The following EMC6 variants were observed in gnomAD, a reference collection of about 807,000 sequenced individuals.
EMC6 encodes transmembrane protein 93.
EMC6 carries 1 observed loss-of-function variant against 6.5 expected under a neutral mutation model. The ratio of observed to expected loss-of-function variants is 0.15; its 90% CI spans 0.05 to 0.73. EMC6 has a LOEUF of 0.73. Among genes scored for constraint, EMC6 ranks in the 30% least tolerant of loss-of-function variants. The pLI, the probability that EMC6 is intolerant of heterozygous loss-of-function variation, is 0.78. For missense variants in EMC6, 114 were observed against 146.7 expected (o/e 0.78, Z 1.15); for synonymous variants, 96 against 74.3 (o/e 1.29, Z -1.50).
rs757951331 is a variant in EMC6 at position 3,669,159 on chromosome 17, G to C, written c.13G>C (p.Val5Leu). The C allele has an allele frequency of 2.4e-5, 37 of 1,533,896 alleles. No individual in the cohort carries two copies. The South Asian group carries it at 3.8e-4, about 16-fold the overall frequency. MAAV[V>L]AKREGPPFIS... ...CCGGGCTGGTGCGATGGCCGCGGTG[G>C]TGGCCAAGCGGGAAGGGCCGCCGTT... The change falls in exon 2 of 2, where the codon GTG becomes CTG. Residue 5 changes from valine to leucine, a missense_variant. Physicochemically the swap from Val to Leu is conservative, Grantham distance 32 (BLOSUM62 1). Transcript: ENST00000248378.
chr17:3,668,855 C>A lies in EMC6; in HGVS notation c.-94C>A. ...GCGCCGCGGGCATTTCTTCCACTGC[C>A]CGTCTGAGGGAACGCTAAGTAGTGT... On this transcript the variant is annotated 5_prime_UTR_variant, in exon 1 of 2. Transcript: ENST00000248378. This position sits in a 1 kb window ranked among gnomAD's most constrained non-coding sequence, Gnocchi z 4.1. 3.9e-6 allele frequency: 2 copies of A among 518,536 alleles called. No homozygotes were observed. Among genetic ancestry groups the A allele is most frequent in the East Asian group, 3.3e-5 (1 of 30,590 alleles). 32.1% of individuals were successfully genotyped at this position (518,536 alleles called of 1,614,324 possible).
rs1371360294 is a variant in EMC6 at position 3,668,952 on chromosome 17, G to A, written c.-50+53G>A. ...GCAGACGCGCCACCACCTCCCGGCC[G>A]GCCCGGACCCTCAATCTCCTCGGCG... On this transcript the variant is annotated intron_variant, in intron 1 of 1. Transcript: ENST00000248378. The surrounding 1 kb of genome is among the most constrained non-coding windows in gnomAD (Gnocchi z 4.1). The A allele has an allele frequency of 6.7e-6, 4 of 599,740 alleles. No individual in the cohort carries two copies. Among genetic ancestry groups the A allele is most frequent in the South Asian group, 4.8e-5 (2 of 41,666 alleles). 37.2% of individuals were successfully genotyped at this position (599,740 alleles called of 1,614,324 possible).
rs2049968434 is a variant in EMC6, at chr17:3,668,953, G to T, written c.-50+54G>T. On this transcript the variant is annotated intron_variant, in intron 1 of 1. Transcript: ENST00000248378. The surrounding 1 kb of genome is among the most constrained non-coding windows in gnomAD (Gnocchi z 4.1). The stretch of plus-strand genomic sequence containing the variant: ...CAGACGCGCCACCACCTCCCGGCCG[G>T]CCCGGACCCTCAATCTCCTCGGCGT... 6.6e-6 allele frequency: 4 copies of T among 607,428 alleles called. No homozygotes were observed. The South Asian group carries it at 9.4e-5, about 14-fold the overall frequency. The allele number at this position is 607,428 out of a possible 1,614,324, so 37.6% of individuals were successfully genotyped here.
chr17:3,669,431 C>T lies in EMC6; in HGVS notation c.285C>T (p.Thr95=), dbSNP rs1020686849. The change falls in exon 2 of 2, where the codon ACC becomes ACT. Residue 95 remains threonine (T), a synonymous_variant. Coordinates refer to ENST00000248378, the MANE Select transcript of EMC6 (RefSeq NM_031298.4). ...FTGGLIGGLF[T]YVLFWTFLYG... ...GAGGCCTCATCGGGGGCCTCTTCAC[C>T]TACGTCCTGTTCTGGACGTTCCTCT... 1.2e-6 allele frequency: 2 copies of T among 1,613,834 alleles called. No homozygotes were observed. Among genetic ancestry groups the T allele is most frequent in the Admixed American group, 1.7e-5 (1 of 60,030 alleles).
chr17:3,669,573 T>C lies in EMC6; in HGVS notation c.*94T>C. On this transcript the variant is annotated 3_prime_UTR_variant, in exon 2 of 2. Coordinates refer to ENST00000248378, the MANE Select transcript of EMC6 (RefSeq NM_031298.4). ...TAGACTTCCTTAGTTCTTAAGTGGT[T>C]GAATTCGCTGCTTGTTCTGTAACGT... 1.1e-6 allele frequency: 1 copy of C among 942,946 alleles called. No homozygotes were observed. Among genetic ancestry groups the C allele is most frequent in the Non-Finnish European group, 1.6e-6 (1 of 633,984 alleles). 58.4% of individuals were successfully genotyped at this position (942,946 alleles called of 1,614,324 possible).
In EMC6 at chr17:3,669,151, C is replaced by T. The variant is rs761639790; in HGVS notation, c.5C>T (p.Ala2Val). 3.3e-6 allele frequency: 5 copies of T among 1,522,072 alleles called. No individual in the cohort carries two copies. The South Asian group carries it at 3.6e-5, about 11-fold the overall frequency. 94.3% of individuals were successfully genotyped at this position (1,522,072 alleles called of 1,614,324 possible). The part of the protein sequence containing the change: M[A>V]AVVAKREGPP... ...GGCCGAGCCCGGGCTGGTGCGATGG[C>T]CGCGGTGGTGGCCAAGCGGGAAGGG... Residue 2 changes from alanine to valine, a missense_variant, in exon 2 of 2, where the codon GCC (alanine) becomes GTC (valine). Transcript: ENST00000248378.
Position 3,669,242 on chromosome 17 carries a change from G to T in EMC6, c.96G>T (p.Ser32=). 1 of 1,613,044 alleles carries T rather than the reference G, an allele frequency of 6.2e-7. No homozygotes were observed. Among genetic ancestry groups the T allele is most frequent in the Non-Finnish European group, 8.5e-7 (1 of 1,179,848 alleles). ...CCGTCCTGGATTATTGCCGGACCTC[G>T]GTGTCAGCGCTGTCGGGGGCCACGG... ...NAAVLDYCRT[S]VSALSGATAG... Residue 32 remains serine, a synonymous_variant, in exon 2 of 2, where the codon TCG becomes TCT. Coordinates refer to ENST00000248378, the MANE Select transcript of EMC6 (RefSeq NM_031298.4).
Position 3,669,162 on chromosome 17 carries a change from G to A in EMC6, c.16G>A (p.Ala6Thr). ...GGCTGGTGCGATGGCCGCGGTGGTG[G>A]CCAAGCGGGAAGGGCCGCCGTTCAT... MAAVV[A>T]KREGPPFISE... The change falls in exon 2 of 2, where the codon GCC becomes ACC. Residue 6 changes from alanine (A) to threonine (T), a missense_variant. Transcript: ENST00000248378. The A allele has an allele frequency of 6.5e-7, 1 of 1,538,298 alleles. No individual in the cohort carries two copies.
Position 3,669,255 on chromosome 17 carries a change from T to G in EMC6, c.109T>G (p.Ser37Ala). 6.2e-7 allele frequency: 1 copy of G among 1,613,646 alleles called. No homozygotes were observed. Among genetic ancestry groups the G allele is most frequent in the Admixed American group, 1.7e-5 (1 of 60,020 alleles). Residue 37 changes from serine (S) to alanine (A), a missense_variant, in exon 2 of 2, where the codon TCG becomes GCG. By Grantham distance (99) the Ser-to-Ala change is moderately conservative (BLOSUM62 1). Coordinates refer to ENST00000248378, the MANE Select transcript of EMC6 (RefSeq NM_031298.4). ...DYCRTSVSAL[S>A]GATAGILGLT... ...TTGCCGGACCTCGGTGTCAGCGCTG[T>G]CGGGGGCCACGGCCGGCATCCTCGG...
In EMC6 at chr17:3,669,512, A is replaced by G; in HGVS notation, c.*33A>G. The G allele has an allele frequency of 1.9e-6, 3 of 1,544,036 alleles. No individual in the cohort carries two copies. Among genetic ancestry groups the G allele is most frequent in the African/African-American group, 1.4e-5 (1 of 72,694 alleles). The stretch of plus-strand genomic sequence containing the variant: ...GCCCGGGGGACTTTTTTAAAAAACC[A>G]GATCGGGAGGACTGTGGCCAGCAAT... On this transcript the variant is annotated 3_prime_UTR_variant, in exon 2 of 2. Transcript: ENST00000248378.
rs1374173217 is a variant in EMC6 at position 3,669,122 on chromosome 17, G to A, written c.-25G>A. On this transcript the variant is annotated 5_prime_UTR_variant, in exon 2 of 2. Coordinates refer to ENST00000248378, the MANE Select transcript of EMC6 (RefSeq NM_031298.4). ...GCTCCGCGTTGTTCCGCGAGAAAGC[G>A]AGAGGCCGAGCCCGGGCTGGTGCGA... 4 of 1,470,544 alleles carry A rather than the reference G, an allele frequency of 2.7e-6. No homozygotes were observed. Among genetic ancestry groups the A allele is most frequent in the African/African-American group, 1.4e-5 (1 of 70,794 alleles). The allele number at this position is 1,470,544 out of a possible 1,614,324, so 91.1% of individuals were successfully genotyped here. A position where few individuals can be genotyped will look rare whatever the true frequency, so the allele number is the denominator to read the frequency against.
At chr17:3,669,056 A>G (rs949108185) in intron 1 of EMC6, 42 bp from the exon 2 acceptor site, 1 of 1,297,012 alleles carries the variant, frequency 7.7e-7, no homozygotes, top group Non-Finnish European at 1.0e-6. Flanking sequence ...AACCCAACTC[A>G]CCGAGCTCCG....
Position 3,669,355 on chromosome 17 carries a change from C to T in EMC6, c.209C>T (p.Ala70Val), listed in dbSNP as rs773933359. ...CTCTCCCTGCTCCTCATTCTCAAGG[C>T]GGGAAGGAGGTGGAACAAATATTTC... is the stretch of plus-strand genomic sequence containing the variant. ...VLLSLLLILKAGRRWNKYFKS... is the reference protein window; with the variant it reads ...VLLSLLLILKVGRRWNKYFKS... The change falls in exon 2 of 2, where the codon GCG becomes GTG. Residue 70 changes from alanine to valine, a missense_variant. Ala to Val is a moderately conservative substitution (Grantham distance 64). Coordinates refer to ENST00000248378, the MANE Select transcript of EMC6 (RefSeq NM_031298.4). 1.7e-5 allele frequency: 27 copies of T among 1,614,152 alleles called. No homozygotes were observed. The East Asian group carries it at 5.8e-4, about 35-fold the overall frequency.
At position 3,668,840 on chromosome 17, in the gene EMC6, C is replaced by A. The variant is rs941865024; in HGVS notation, c.-109C>A. ...CTTCCGAGCAAGATGGCGCCGCGGG[C>A]ATTTCTTCCACTGCCCGTCTGAGGG... On this transcript the variant is annotated 5_prime_UTR_variant, in exon 1 of 2. Coordinates refer to ENST00000248378, the MANE Select transcript of EMC6 (RefSeq NM_031298.4). The surrounding 1 kb of genome is among the most constrained non-coding windows in gnomAD (Gnocchi z 4.1). The A allele has an allele frequency of 7.8e-6, 4 of 510,158 alleles. No homozygotes were observed. Among genetic ancestry groups the A allele is most frequent in the Non-Finnish European group, 1.0e-5 (3 of 291,712 alleles). The allele number at this position is 510,158 out of a possible 1,614,324, so 31.6% of individuals were successfully genotyped here.
rs1287413771 is a variant in EMC6 at position 3,668,853 on chromosome 17, G to T, written c.-96G>T. ...TGGCGCCGCGGGCATTTCTTCCACT[G>T]CCCGTCTGAGGGAACGCTAAGTAGT... is the stretch of plus-strand genomic sequence containing the variant. On this transcript the variant is annotated 5_prime_UTR_variant, in exon 1 of 2. Transcript: ENST00000248378. The surrounding 1 kb of genome is among the most constrained non-coding windows in gnomAD (Gnocchi z 4.1). 2.3e-5 allele frequency: 12 copies of T among 516,782 alleles called. No homozygotes were observed. The highest frequency in any genetic ancestry group is 7.6e-5 in the Admixed American group (2 of 26,270). 32.0% of individuals were successfully genotyped at this position (516,782 alleles called of 1,614,324 possible). A position where few individuals can be genotyped will look rare whatever the true frequency, so the allele number is the denominator to read the frequency against.
chr17:3,669,358 G>C lies in EMC6; in HGVS notation c.212G>C (p.Gly71Ala). The change falls in exon 2 of 2, where the codon GGA becomes GCA. Residue 71 changes from glycine (G) to alanine (A), a missense_variant. Transcript: ENST00000248378. The part of the protein sequence containing the change: ...LLSLLLILKA[G>A]RRWNKYFKSR... ...TCCCTGCTCCTCATTCTCAAGGCGG[G>C]AAGGAGGTGGAACAAATATTTCAAA... 6.2e-7 allele frequency: 1 copy of C among 1,614,192 alleles called. No homozygotes were observed. The highest frequency in any genetic ancestry group is 8.5e-7 in the Non-Finnish European group (1 of 1,180,044).
rs201497086 is a variant in EMC6 at position 3,669,396 on chromosome 17, C to T, written c.250C>T (p.Leu84Phe). The T allele has an allele frequency of 3.1e-6, 5 of 1,614,102 alleles. No individual in the cohort carries two copies. The Admixed American group carries it at 6.7e-5, about 22-fold the overall frequency. ...CAAATATTTCAAATCACGGAGACCT[C>T]TCTTTACAGGAGGCCTCATCGGGGG... ...WNKYFKSRRP[L>F]FTGGLIGGLF... Residue 84 changes from leucine to phenylalanine, a missense_variant, in exon 2 of 2, where the codon CTC (leucine) becomes TTC (phenylalanine). Coordinates refer to ENST00000248378, the MANE Select transcript of EMC6 (RefSeq NM_031298.4).
In EMC6 at chr17:3,669,411, C is replaced by T. The variant is rs1422434934; in HGVS notation, c.265C>T (p.Leu89Phe). The change falls in exon 2 of 2, where the codon CTC (leucine) becomes TTC (phenylalanine). Residue 89 changes from leucine to phenylalanine, a missense_variant. Coordinates refer to ENST00000248378, the MANE Select transcript of EMC6 (RefSeq NM_031298.4). Reference sequence around the variant, plus strand: ...ACGGAGACCTCTCTTTACAGGAGGCCTCATCGGGGGCCTCTTCACCTACGT... The same window carrying T: ...ACGGAGACCTCTCTTTACAGGAGGCTTCATCGGGGGCCTCTTCACCTACGT... ...KSRRPLFTGGLIGGLFTYVLF... is the reference protein window; with the variant it reads ...KSRRPLFTGGFIGGLFTYVLF... The T allele has an allele frequency of 5.6e-6, 9 of 1,613,956 alleles. No individual in the cohort carries two copies. The Admixed American group carries it at 1.5e-4, about 27-fold the overall frequency.
rs1198383388 is a variant in EMC6, at chr17:3,669,094, G to A, written c.-49-4G>A. 6.3e-6 allele frequency: 9 copies of A among 1,439,044 alleles called. No homozygotes were observed. The Admixed American group carries it at 1.6e-4, about 26-fold the overall frequency. The allele number at this position is 1,439,044 out of a possible 1,614,324, so 89.1% of individuals were successfully genotyped here. A position where few individuals can be genotyped will look rare whatever the true frequency, so the allele number is the denominator to read the frequency against. On this transcript the variant is annotated splice_polypyrimidine_tract_variant and splice_region_variant and intron_variant, in intron 1 of 1. Coordinates refer to ENST00000248378, the MANE Select transcript of EMC6 (RefSeq NM_031298.4). ...CGCCACTTGTAACTTGGTTTTCTCC[G>A]CAGCTCCGCGTTGTTCCGCGAGAAA... is the stretch of plus-strand genomic sequence containing the variant.
Sources: gnomAD v4.1 joint callset for allele counts on GRCh38, gnomAD v4.1.1 for gene constraint, Gnocchi (gnomAD v3.1) non-coding constraint, MANE v1.5 for transcripts, NCBI Gene and HGNC (gene_info 2026-07-23, HGNC 2026-07-21) for gene names.